Variants in ATP11A observed in about 807,000 individuals in gnomAD.
ATP11A encodes phospholipid-transporting ATPase IH.
A neutral mutation model predicts 154.4 loss-of-function variants in ATP11A; 81 were observed. The ratio of observed to expected loss-of-function variants is 0.52; its 90% CI spans 0.44 to 0.63. The LOEUF (loss-of-function observed/expected upper bound fraction) is 0.63, where lower values mean the gene tolerates loss of function less well. Ranked by LOEUF, ATP11A falls within the 30% of genes least tolerant of loss-of-function variation. The pLI is 0.00. For missense variants in ATP11A, 1,316 were observed against 1,474.3 expected (o/e 0.89, Z 1.76); for synonymous variants, 623 against 585.9 (o/e 1.06, Z -0.91).
intron 1 of ATP11A, among the ~76,000 whole-genome samples, chr13:112,691,884 G>A (rs1885242569): frequency 6.6e-6 from 1 of 152,124 alleles, no homozygotes; most frequent in Admixed American, 6.6e-5. Context: ...GAAGCCTTAG[G>A]AAGGTCAGCC....
At chr13:112,751,114 T>C (rs2076680306) in intron 1 of ATP11A, among the ~76,000 whole-genome samples, 1 of 152,202 alleles carries the variant, frequency 6.6e-6, no homozygotes, top group Non-Finnish European at 1.5e-5. Flanking sequence ...CTTTTCTCAC[T>C]GTTGTGAGCA....
At chr13:112,726,117 C>G (rs1045208863) in intron 1 of ATP11A, among the ~76,000 whole-genome samples, 2 of 152,236 alleles carry the variant, frequency 1.3e-5, no homozygotes, top group Admixed American at 1.3e-4. Context: ...GTGTGTGTCA[C>G]CAGGAGGTGT....
chr13:112,715,913 C>CG (rs1888410604), intron 1 of ATP11A, among the ~76,000 whole-genome samples: 1 of 151,950 alleles, frequency 6.6e-6, no homozygotes, highest in Admixed American at 6.6e-5. Context: ...AATCCGATCC[C>CG]ATTCCTTTCC....
intron 1 of ATP11A, among the ~76,000 whole-genome samples, chr13:112,693,226 G>A (rs1232015722): frequency 6.6e-6 from 1 of 152,190 alleles, no homozygotes; most frequent in Non-Finnish European, 1.5e-5. Context: ...GAGCCATGCA[G>A]AGATACTTTG....
chr13:112,814,826 G>T (rs984756866), intron 5 of ATP11A, among the ~76,000 whole-genome samples: 3 of 152,180 alleles, frequency 2.0e-5, no homozygotes, highest in Non-Finnish European at 4.4e-5. Flanking sequence ...GGTTGTTTTA[G>T]CTATTCTAGA....
At chr13:112,729,707 C>G (rs1890288187) in intron 1 of ATP11A, among the ~76,000 whole-genome samples, 1 of 152,264 alleles carries the variant, frequency 6.6e-6, no homozygotes. Flanking sequence ...TAGCGTCCTG[C>G]TATCTTTAGC....
chr13:112,730,325 A>C lies in ATP11A; in HGVS notation c.39+39870A>C, dbSNP rs150946846. Reference sequence around the variant, plus strand: ...GATTCATGTGGATCTGTGAAGCCTCATGGAGGCCGGAGGACGGGCATTGAT... The same window carrying C: ...GATTCATGTGGATCTGTGAAGCCTCCTGGAGGCCGGAGGACGGGCATTGAT... On this transcript the variant is annotated intron_variant, in intron 1 of 29. Coordinates refer to ENST00000375645, the MANE Select transcript of ATP11A (RefSeq NM_015205.3). Among the ~76,000 whole-genome samples the C allele has an allele frequency of 4.0e-3, 602 of 152,304 alleles. 4 individuals carry two copies. The highest frequency in any genetic ancestry group is 0.014 in the African/African-American group (567 of 41,550).
intron 1 of ATP11A, among the ~76,000 whole-genome samples, chr13:112,715,014 C>T (rs374147213): frequency 3.3e-5 from 5 of 152,188 alleles, no homozygotes; most frequent in African/African-American, 9.7e-5. Context: ...AAATGAGTGA[C>T]TCACACAGGA....
In ATP11A at chr13:112,873,675, T is replaced by G; in HGVS notation, c.3160T>G (p.Trp1054Gly). The change falls in exon 27 of 30, where the codon TGG becomes GGG. Residue 1054 changes from tryptophan (W) to glycine (G), a missense_variant and splice_region_variant. This residue lies in a region of ATP11A where 294 missense variants were observed against 290.2 expected (regional missense o/e 1.01). Coordinates refer to ENST00000375645, the MANE Select transcript of ATP11A (RefSeq NM_015205.3). ...TTCGCTTCTCTGGGGAGGAGTGATC[T>G]GGTAAATATCTGATAAGTAGCTGAT... ...VFSLLWGGVI[W>G]PFLNYQRMYY... is the part of the protein sequence containing the mutation. The G allele has an allele frequency of 6.2e-7, 1 of 1,607,084 alleles. No homozygotes were observed. Among genetic ancestry groups the G allele is most frequent in the Non-Finnish European group, 8.5e-7 (1 of 1,173,712 alleles).
chr13:112,768,639 G>C (rs1188823475), intron 1 of ATP11A, among the ~76,000 whole-genome samples: 2 of 152,206 alleles, frequency 1.3e-5, no homozygotes, highest in South Asian at 2.1e-4. Context: ...TTGCTTAAAA[G>C]GCGACACGTA....
At chr13:112,722,449 C>G (rs931539504) in intron 1 of ATP11A, among the ~76,000 whole-genome samples, 6 of 152,004 alleles carry the variant, frequency 3.9e-5, no homozygotes, top group Non-Finnish European at 8.8e-5. Context: ...AGGGCTTTAT[C>G]AGGGTAGCGA....
At chr13:112,787,251 C>T (rs550320992) in intron 2 of ATP11A, among the ~76,000 whole-genome samples, 11 of 126,430 alleles carry the variant, frequency 8.7e-5, no homozygotes, top group South Asian at 5.0e-4. Flanking sequence ...TAATTCACAC[C>T]GGGTGTCCTG....
At chr13:112,740,359 A>T (rs1344059962) in intron 1 of ATP11A, among the ~76,000 whole-genome samples, 1 of 151,996 alleles carries the variant, frequency 6.6e-6, no homozygotes, top group African/African-American at 2.4e-5. Flanking sequence ...TTTTTAGTAG[A>T]GACAGGGTTT....
intron 1 of ATP11A, among the ~76,000 whole-genome samples, chr13:112,698,058 G>C (rs935038490): frequency 2.0e-5 from 3 of 152,168 alleles, no homozygotes; most frequent in African/African-American, 7.2e-5. Flanking sequence ...GGACAGGCAG[G>C]CTCCTCTGAT....
At position 112,858,308 on chromosome 13, in the gene ATP11A, C is replaced by T. The variant is rs200545972; in HGVS notation, c.2667+18C>T. The T allele has an allele frequency of 2.2e-5, 35 of 1,602,284 alleles. No homozygotes were observed. The highest frequency in any genetic ancestry group is 2.8e-5 in the Non-Finnish European group (33 of 1,172,488). ...TCTATAAGGTAGGAGGGTCGCCGCT[C>T]CCCCTCACGGTGTTAGCAACAGGTC... On this transcript the variant is annotated intron_variant, in intron 22 of 29. Transcript: ENST00000375645.
At chr13:112,693,003 G>A (rs890729919) in intron 1 of ATP11A, among the ~76,000 whole-genome samples, 4 of 152,186 alleles carry the variant, frequency 2.6e-5, no homozygotes, top group Admixed American at 2.6e-4. Flanking sequence ...CAGAATTCCT[G>A]GGACAAAGAA....
At chr13:112,805,672 C>CA (rs1220102979) in intron 3 of ATP11A, among the ~76,000 whole-genome samples, 26,631 of 82,562 alleles carry the variant, frequency 0.32, 3,449 homozygotes, top group Admixed American at 0.36. Flanking sequence ...GAGACTGTCT[C>CA]AAAAAAAAAA....
At chr13:112,846,061 G>T (rs1281523061) in intron 17 of ATP11A, among the ~76,000 whole-genome samples, 1 of 152,204 alleles carries the variant, frequency 6.6e-6, no homozygotes, top group Non-Finnish European at 1.5e-5. Context: ...GGACCCTCCT[G>T]TCAGAGCGTC....
intron 1 of ATP11A, among the ~76,000 whole-genome samples, chr13:112,701,648 C>G (rs565481384): frequency 1.0e-3 from 159 of 151,796 alleles, no homozygotes; most frequent in African/African-American, 3.4e-3. Context: ...CTGGCTAACA[C>G]GATGAAACCC....
Sources: allele counts gnomAD v4.1 joint callset (sites outside exome capture counted in the v4.1 genomes callset), GRCh38; gene constraint gnomAD v4.1.1; regional missense constraint gnomAD v4.1.1; transcripts MANE v1.5; gene names NCBI Gene and HGNC (gene_info 2026-07-23, HGNC 2026-07-21).